The following BUB1 variants were observed in gnomAD, a reference collection of about 807,000 sequenced individuals.
BUB1 encodes mitotic checkpoint serine/threonine-protein kinase BUB1.
In BUB1, 84 loss-of-function variants were observed where a neutral mutation model predicts 135.2. That is an observed-to-expected ratio of 0.62 (90% CI 0.52 to 0.74). The LOEUF (loss-of-function observed/expected upper bound fraction) is 0.74. BUB1 is among the 30% of genes least tolerant of loss of function. The probability of loss-of-function intolerance (pLI) is 0.00; values close to 1 mark genes in which losing one functional copy is unlikely to be tolerated. For missense variants in BUB1, 1,162 were observed against 1,288.3 expected, an observed-to-expected ratio of 0.90 and a Z score of 1.50; for synonymous variants, 403 against 434.4, an observed-to-expected ratio of 0.93 and a Z score of 0.90.
chr2:110,644,058 C>CTAA, intron 19 of BUB1, among the ~76,000 whole-genome samples: 1 of 39,680 alleles, frequency 2.5e-5, no homozygotes, highest in African/African-American at 1.2e-4. Flanking sequence ...AACTGAAATG[C>CTAA]AAAAAAAAAA....
intron 23 of BUB1, chr2:110,640,054 C>G (rs1689462839): frequency 1.5e-6 from 1 of 647,246 alleles, no homozygotes; most frequent in South Asian, 1.5e-5. Context: ...TTGAAAAGCT[C>G]TGCCCTCCTG....
chr2:110,641,090 C>T lies in BUB1; in HGVS notation c.2899G>A (p.Glu967Lys). The T allele has an allele frequency of 3.7e-6, 6 of 1,611,984 alleles. No homozygotes were observed. Among genetic ancestry groups the T allele is most frequent in the Non-Finnish European group, 4.2e-6 (5 of 1,179,236 alleles). The change falls in exon 23 of 25, where the codon GAA (glutamate) becomes AAA (lysine). Residue 967 changes from glutamate to lysine, a missense_variant. Coordinates refer to ENST00000302759, the MANE Select transcript of BUB1 (RefSeq NM_004336.5). ...PKGTIFTAKC[E>K]TSGFQCVEML... ...TCAACACACTGAAAACCAGATGTTTCACACTTTGCTGTGAATATAGTTCCT... is the reference window on the plus strand; with the variant it reads ...TCAACACACTGAAAACCAGATGTTTTACACTTTGCTGTGAATATAGTTCCT...
chr2:110,650,719 C>A lies in BUB1; in HGVS notation c.2030G>T (p.Arg677Leu), dbSNP rs766458085. Residue 677 changes from arginine to leucine, a missense_variant, in exon 18 of 25, where the codon CGT (arginine) becomes CTT (leucine). By Grantham distance (102) the Arg-to-Leu change is moderately radical. Coordinates refer to ENST00000302759, the MANE Select transcript of BUB1 (RefSeq NM_004336.5). ...CCCACCTGCAGCAGGCTGGCTCAGA[C>A]GAAGTAAGGATGCTGAATACATGTG... Reference protein sequence around the residue: ...SSHMYSASLLRLSQPAAGGVL... With the variant: ...SSHMYSASLLLLSQPAAGGVL... 6.2e-7 allele frequency: 1 copy of A among 1,613,930 alleles called. No individual in the cohort carries two copies. Among genetic ancestry groups the A allele is most frequent in the Non-Finnish European group, 8.5e-7 (1 of 1,179,968 alleles).
Position 110,667,789 on chromosome 2 carries a change from A to G in BUB1, c.620+8T>C, listed in dbSNP as rs746941546. The G allele has an allele frequency of 6.8e-6, 11 of 1,613,214 alleles. No homozygotes were observed. In the Admixed American group the frequency reaches 1.8e-4, roughly 27 times the overall value. The stretch of plus-strand genomic sequence containing the variant: ...CTAATAATAGATTAATGCACTGATT[A>G]TACTTGCATATTTGACTCTTTATCA... On this transcript the variant is annotated splice_region_variant and intron_variant, in intron 7 of 24. Transcript: ENST00000302759.
In BUB1 at chr2:110,669,958, AT is replaced by A. The variant is rs766302891; in HGVS notation, c.467-406del. Among the ~76,000 whole-genome samples the A allele has an allele frequency of 6.8e-4, 103 of 152,178 alleles. 1 individual carries two copies. The highest frequency in any genetic ancestry group is 1.8e-3 in the Admixed American group (27 of 15,272). ...TTGGTCAATTTTGAATTAAAAAAAA[AT>A]CCTACAAATACAGTGAAATTATCAA... On this transcript the variant is annotated intron_variant, in intron 5 of 24. Transcript: ENST00000302759.
chr2:110,661,868 A>G, intron 9 of BUB1, 27 bp from the exon 10 acceptor site: 1 of 1,608,176 alleles, frequency 6.2e-7, no homozygotes, highest in Non-Finnish European at 8.5e-7. Context: ...ACAAACAACA[A>G]AAACAAAACC....
chr2:110,669,340 C>G (rs1690354168), intron 6 of BUB1, 113 bp downstream of exon 6: 1 of 752,566 alleles, frequency 1.3e-6, no homozygotes, highest in Non-Finnish European at 2.3e-6. Context: ...GAGCTCAGAG[C>G]CATGAAGAGA....
chr2:110,674,212 C>A lies in BUB1; in HGVS notation c.99G>T (p.Trp33Cys), dbSNP rs1172889761. 6.2e-7 allele frequency: 1 copy of A among 1,608,058 alleles called. No individual in the cohort carries two copies. The highest frequency in any genetic ancestry group is 8.5e-7 in the Non-Finnish European group (1 of 1,175,384). Residue 33 changes from tryptophan (W) to cysteine (C), a missense_variant, in exon 3 of 25, where the codon TGG becomes TGT. Physicochemically the swap from Trp to Cys is radical, Grantham distance 215. Transcript: ENST00000302759. ...PLGEWERYIQ[W>C]VEENFPENKE... ...TATTCTCAGGAAAATTCTCTTCTAC[C>A]CACTGTATGTATCTAGAAAAATATG...
At chr2:110,669,223 G>A (rs530000368) in intron 6 of BUB1, among the ~76,000 whole-genome samples, 2 of 152,312 alleles carry the variant, frequency 1.3e-5, no homozygotes, top group African/African-American at 2.4e-5. Flanking sequence ...AAGACAGGAG[G>A]CCGTGTGGTG....
At position 110,675,171 on chromosome 2, in the gene BUB1, CA is replaced by C. The variant is rs1319005000; in HGVS notation, c.27-807del. 2.0e-5 allele frequency: 3 copies of C among 152,348 alleles called. No homozygotes were observed. The East Asian group carries it at 5.8e-4, about 29-fold the overall frequency. The allele number at this position is 152,348 out of a possible 1,614,324, so 9.4% of individuals were successfully genotyped here. On this transcript the variant is annotated intron_variant, in intron 1 of 24. Coordinates refer to ENST00000302759, the MANE Select transcript of BUB1 (RefSeq NM_004336.5). ...ATACTCAACTACAGCTGAAAAAAAG[CA>C]GCCAGGCAAAGCAAAATTCCCCTTG...
intron 23 of BUB1, among the ~76,000 whole-genome samples, chr2:110,640,825 G>C (rs922883151): frequency 5.9e-5 from 9 of 152,118 alleles, no homozygotes; most frequent in Non-Finnish European, 1.0e-4. Context: ...CCCCTTTCCT[G>C]ATAACAGGAT....
At chr2:110,665,240 A>T (rs1198573777) in intron 9 of BUB1, among the ~76,000 whole-genome samples, 1 of 152,218 alleles carries the variant, frequency 6.6e-6, no homozygotes, top group African/African-American at 2.4e-5. Flanking sequence ...GTTTTCATAC[A>T]CAATAAGTCT....
intron 9 of BUB1, among the ~76,000 whole-genome samples, chr2:110,664,986 T>C (rs1427352918): frequency 2.6e-5 from 4 of 152,174 alleles, no homozygotes; most frequent in African/African-American, 9.7e-5. Context: ...GAGTGCACAG[T>C]CCGAAGTTTA....
intron 10 of BUB1, chr2:110,660,782 T>C (rs191042586): frequency 1.4e-4 from 21 of 152,346 alleles, no homozygotes; most frequent in Admixed American, 1.3e-3. Context: ...AGGATACCTT[T>C]GCTGTGATAA....
intron 19 of BUB1, among the ~76,000 whole-genome samples, chr2:110,647,814 T>A (rs1231583968): frequency 6.6e-6 from 1 of 152,184 alleles, no homozygotes; most frequent in African/African-American, 2.4e-5. Context: ...CAACACAGTA[T>A]GTCTTCAGGT....
chr2:110,644,058 C>CAAAAAAAAAAAAAAA (rs58393999), intron 19 of BUB1, among the ~76,000 whole-genome samples: 408 of 39,378 alleles, frequency 0.01, 1 homozygote, highest in Non-Finnish European at 0.012. Flanking sequence ...AACTGAAATG[C>CAAAAAAAAAAAAAAA]AAAAAAAAAA....
chr2:110,673,576 G>A (rs886798476), intron 3 of BUB1, among the ~76,000 whole-genome samples: 1 of 151,120 alleles, frequency 6.6e-6, no homozygotes, highest in Non-Finnish European at 1.5e-5. Flanking sequence ...AGAGAAGTCC[G>A]CACATACTTT....
rs748089132 is a variant in BUB1 at position 110,670,679 on chromosome 2, C to T, written c.423-111G>A. On this transcript the variant is annotated intron_variant, in intron 4 of 24. Transcript: ENST00000302759. ...CTTATTATAAGCTAGTAAAGTCTGACGTCAAGAGAGAATGTACAGTTGCAT... is the reference window on the plus strand; with the variant it reads ...CTTATTATAAGCTAGTAAAGTCTGATGTCAAGAGAGAATGTACAGTTGCAT... The T allele has an allele frequency of 8.4e-5, 91 of 1,078,940 alleles. 1 individual carries two copies. The highest frequency in any genetic ancestry group is 4.2e-4 in the South Asian group (27 of 65,004). 66.8% of individuals were successfully genotyped at this position (1,078,940 alleles called of 1,614,324 possible).
rs7609252 is a variant in BUB1, at chr2:110,661,849, A to G, written c.958-8T>C. The stretch of plus-strand genomic sequence containing the variant: ...CATACGTGCTGGATTAACCTTTCAT[A>G]TTAAACAAACAAACAACAAAAACAA... On this transcript the variant is annotated splice_region_variant and splice_polypyrimidine_tract_variant and intron_variant, in intron 9 of 24. Transcript: ENST00000302759. The G allele has an allele frequency of 0.054, 86,670 of 1,611,002 alleles. 6,458 individuals are homozygous for G. The highest frequency in any genetic ancestry group is 0.34 in the African/African-American group (25,788 of 74,764).
Sources: allele counts gnomAD v4.1 joint callset (sites outside exome capture counted in the v4.1 genomes callset), GRCh38; gene constraint gnomAD v4.1.1; transcripts MANE v1.5; gene names NCBI Gene and HGNC (gene_info 2026-07-23, HGNC 2026-07-21).